Variants in ANXA3 observed in about 807,000 individuals in gnomAD.
ANXA3 encodes the protein 35-alpha calcimedin.
ANXA3 carries 46 observed loss-of-function variants against 48.8 expected under a neutral mutation model. That is an observed-to-expected ratio of 0.94 (90% CI 0.74 to 1.21). ANXA3 has a LOEUF of 1.21. Among genes scored for constraint, ANXA3 ranks in the 50% most tolerant of loss-of-function variants. The probability of loss-of-function intolerance (pLI) is 0.00; values close to 1 mark genes in which losing one functional copy is unlikely to be tolerated. For missense variants in ANXA3, 383 were observed against 378.6 expected (o/e 1.01, Z -0.10); for synonymous variants, 128 against 134.7 (o/e 0.95, Z 0.35).
At chr4:78,567,460 A>G (rs1481451297) in intron 2 of ANXA3, among the ~76,000 whole-genome samples, 1 of 152,152 alleles carries the variant, frequency 6.6e-6, no homozygotes, top group East Asian at 1.9e-4. Flanking sequence ...ACAGATTGAC[A>G]AGAGAAAACC....
chr4:78,602,147 A>C (rs1299541510), intron 11 of ANXA3: 6 of 150,992 alleles, frequency 4.0e-5, no homozygotes. Flanking sequence ...AGGCTGAGGC[A>C]GAGAATTGCT....
intron 2 of ANXA3, among the ~76,000 whole-genome samples, chr4:78,560,782 A>G (rs979777043): frequency 4.6e-5 from 7 of 152,136 alleles, no homozygotes; most frequent in Non-Finnish European, 8.8e-5. Flanking sequence ...ATTGCATCAC[A>G]AAGTCACTCC....
At position 78,573,235 on chromosome 4, in the gene ANXA3, C is replaced by T. The variant is rs1359809932; in HGVS notation, c.71C>T (p.Ala24Val). Reference sequence around the variant, plus strand: ...CCAGACTTTAGCCCATCAGTGGATGCTGAAGCTATTCAGAAAGCAATCAGA... The same window carrying T: ...CCAGACTTTAGCCCATCAGTGGATGTTGAAGCTATTCAGAAAGCAATCAGA... ...DYPDFSPSVDAEAIQKAIRGI... is the reference protein window; with the variant it reads ...DYPDFSPSVDVEAIQKAIRGI... The change falls in exon 3 of 13, where the codon GCT becomes GTT. Residue 24 changes from alanine (A) to valine (V), a missense_variant. Ala to Val is a moderately conservative substitution (Grantham distance 64). Transcript: ENST00000264908. The T allele has an allele frequency of 1.1e-5, 17 of 1,613,400 alleles. No individual in the cohort carries two copies. Among genetic ancestry groups the T allele is most frequent in the Non-Finnish European group, 1.4e-5 (16 of 1,179,534 alleles).
chr4:78,601,770 C>T, intron 11 of ANXA3: 2 of 446,472 alleles, frequency 4.5e-6, no homozygotes, highest in Admixed American at 7.7e-5. Context: ...ATAAACAGAC[C>T]TGGGTTTATG....
chr4:78,603,732 C>T (rs1455017575), intron 11 of ANXA3: 3 of 152,198 alleles, frequency 2.0e-5, no homozygotes, highest in Admixed American at 1.3e-4. Context: ...CAAGGTCTGG[C>T]CTTTCCAGAC....
chr4:78,567,895 A>G (rs753005451), intron 2 of ANXA3, among the ~76,000 whole-genome samples: 15 of 152,216 alleles, frequency 9.9e-5, no homozygotes, highest in Non-Finnish European at 2.2e-4. Context: ...GTCTTCAACA[A>G]TCCTTCATGT....
rs1159166578 is a variant in ANXA3, at chr4:78,595,867, GC to G, written c.615del (p.Pro207LeufsTer3). On this transcript the variant is annotated frameshift_variant, in exon 9 of 13. Transcript: ENST00000264908. LOFTEE classifies it high-confidence loss of function. ...TTCACTGAGATCCTGTGTTTAAGGAGCTTTCCTCAATTAAAACTAAGTACAA... is the reference window on the plus strand; with the variant it reads ...TTCACTGAGATCCTGTGTTTAAGGAGTTTCCTCAATTAAAACTAAGTACAA... The part of the protein sequence containing the change: ...DKFTEILCLR[S>X]FPQLKLTFDE... 7 of 1,608,790 alleles carry G rather than the reference GC, an allele frequency of 4.4e-6. No homozygotes were observed. The highest frequency in any genetic ancestry group is 6.0e-6 in the Non-Finnish European group (7 of 1,175,320).
chr4:78,573,230 G>C lies in ANXA3; in HGVS notation c.66G>C (p.Val22=), dbSNP rs768396844. 6.2e-7 allele frequency: 1 copy of C among 1,613,616 alleles called. No homozygotes were observed. The highest frequency in any genetic ancestry group is 1.1e-5 in the South Asian group (1 of 91,066). The change falls in exon 3 of 13, where the codon GTG becomes GTC. Residue 22 remains valine, a synonymous_variant. Transcript: ENST00000264908. ...VRDYPDFSPS[V]DAEAIQKAIR... is the part of the protein sequence containing the mutation. ...ATTATCCAGACTTTAGCCCATCAGT[G>C]GATGCTGAAGCTATTCAGAAAGCAA...
At position 78,604,333 on chromosome 4, in the gene ANXA3, T is replaced by C. The variant is rs1277112541; in HGVS notation, c.846T>C (p.Ile282=). 6.2e-7 allele frequency: 1 copy of C among 1,613,408 alleles called. No homozygotes were observed. The highest frequency in any genetic ancestry group is 8.5e-7 in the Non-Finnish European group (1 of 1,179,616). Residue 282 remains isoleucine, a synonymous_variant, in exon 12 of 13, where the codon ATT becomes ATC. Transcript: ENST00000264908. ...GAATAATGGTGTCCAGATCAGAAATTGACCTTTTGGACATTCGAACAGAGT... is the reference window on the plus strand; with the variant it reads ...GAATAATGGTGTCCAGATCAGAAATCGACCTTTTGGACATTCGAACAGAGT... The part of the protein sequence containing the change: ...LNRIMVSRSE[I]DLLDIRTEFK...
chr4:78,591,570 A>T lies in ANXA3; in HGVS notation c.430A>T (p.Ile144Phe). The T allele has an allele frequency of 6.2e-7, 1 of 1,613,656 alleles. No individual in the cohort carries two copies. The highest frequency in any genetic ancestry group is 1.3e-5 in the African/African-American group (1 of 75,038). ...TVYKKSLGDDISSETSGDFRK... is the reference protein window; with the variant it reads ...TVYKKSLGDDFSSETSGDFRK... ...ATACAAGAAGAGTCTTGGAGATGAC[A>T]TTAGTTCCGAAACATCTGGTGACTT... The change falls in exon 7 of 13, where the codon ATT becomes TTT. Residue 144 changes from isoleucine to phenylalanine, a missense_variant. Physicochemically the swap from Ile to Phe is conservative, Grantham distance 21. Coordinates refer to ENST00000264908, the MANE Select transcript of ANXA3 (RefSeq NM_005139.3).
At chr4:78,559,948 A>G (rs1722591602) in intron 2 of ANXA3, among the ~76,000 whole-genome samples, 1 of 152,196 alleles carries the variant, frequency 6.6e-6, no homozygotes. Flanking sequence ...TTTCTTGCCA[A>G]ATAATATCGC....
intron 10 of ANXA3, among the ~76,000 whole-genome samples, chr4:78,600,274 G>A (rs6854010): frequency 0.091 from 13,897 of 152,182 alleles, 959 homozygotes; most frequent in East Asian, 0.28. Context: ...ATGGTGCTGG[G>A]TGATAAAGCC....
chr4:78,593,202 T>C (rs1560449076), intron 7 of ANXA3, among the ~76,000 whole-genome samples: 2 of 151,584 alleles, frequency 1.3e-5, no homozygotes, highest in African/African-American at 4.9e-5. Context: ...CTTTGAGGAC[T>C]TTTTATTTTT....
intron 4 of ANXA3, among the ~76,000 whole-genome samples, chr4:78,580,594 A>T (rs1316710643): frequency 6.6e-6 from 1 of 152,170 alleles, no homozygotes; most frequent in Non-Finnish European, 1.5e-5. Flanking sequence ...TGGGGGGAAA[A>T]GGTACAAACA....
chr4:78,570,418 A>G (rs1377212827), intron 2 of ANXA3, among the ~76,000 whole-genome samples: 1 of 152,208 alleles, frequency 6.6e-6, no homozygotes, highest in Non-Finnish European at 1.5e-5. Flanking sequence ...TTGTCTTTTT[A>G]TATTTAGAAT....
intron 2 of ANXA3, 23 bp from the exon 3 acceptor site, chr4:78,573,157 G>T: frequency 6.5e-7 from 1 of 1,538,924 alleles, no homozygotes; most frequent in South Asian, 1.1e-5. Flanking sequence ...GAACCAATGG[G>T]ACTTTCAAGT....
At chr4:78,600,174 G>A (rs1723504906) in intron 10 of ANXA3, among the ~76,000 whole-genome samples, 1 of 152,060 alleles carries the variant, frequency 6.6e-6, no homozygotes, top group Admixed American at 6.6e-5. Flanking sequence ...ATGGAAGTGT[G>A]GTCAAGACAA....
intron 6 of ANXA3, among the ~76,000 whole-genome samples, chr4:78,587,078 G>C (rs1000195541): frequency 1.3e-5 from 2 of 152,166 alleles, no homozygotes; most frequent in African/African-American, 4.8e-5. Flanking sequence ...AAACAAATCA[G>C]GGCCAATCAA....
At chr4:78,557,414 C>A (rs1001269897) in intron 2 of ANXA3, among the ~76,000 whole-genome samples, 1 of 152,096 alleles carries the variant, frequency 6.6e-6, no homozygotes, top group Admixed American at 6.6e-5. Flanking sequence ...AGGTCTGGAA[C>A]CTTAATTATG....
Sources: gnomAD v4.1 joint callset for allele counts (sites outside exome capture counted in the v4.1 genomes callset) on GRCh38, gnomAD v4.1.1 for gene constraint, MANE v1.5 for transcripts, NCBI Gene and HGNC (gene_info 2026-07-23, HGNC 2026-07-21) for gene names.